The following RAD54B variants were observed in gnomAD, a reference collection of about 807,000 sequenced individuals.
The protein encoded by RAD54B is RAD54 homolog B, also known as DNA repair and recombination protein RAD54B.
A neutral mutation model predicts 95.8 loss-of-function variants in RAD54B; 78 were observed. The observed-to-expected ratio is 0.81, with a 90% confidence interval of 0.68 to 0.98. The LOEUF (loss-of-function observed/expected upper bound fraction) is 0.98. Ranked by LOEUF, RAD54B falls within the 50% of genes least tolerant of loss-of-function variation. The probability of loss-of-function intolerance (pLI) is 0.00; values close to 1 mark genes in which losing one functional copy is unlikely to be tolerated. For missense variants in RAD54B, 957 were observed against 1,056.6 expected (o/e 0.91, Z 1.31); for synonymous variants, 328 against 354.9 (o/e 0.92, Z 0.85).
intron 3 of RAD54B, among the ~76,000 whole-genome samples, chr8:94,414,268 G>A (rs559532230): frequency 2.0e-4 from 31 of 152,300 alleles, no homozygotes; most frequent in African/African-American, 7.5e-4. Context: ...CATGCCGTCT[G>A]CAAACAGGGA....
rs963312335 is a variant in RAD54B, at chr8:94,399,613, T to C, written c.1179A>G (p.Lys393=). The C allele has an allele frequency of 1.2e-6, 2 of 1,604,906 alleles. No individual in the cohort carries two copies. Among genetic ancestry groups the C allele is most frequent in the African/African-American group, 2.7e-5 (2 of 74,394 alleles). Residue 393 remains lysine (K), a synonymous_variant, in exon 8 of 15, where the codon AAA becomes AAG. Transcript: ENST00000336148. The stretch of plus-strand genomic sequence containing the variant: ...ATATAGACTTGATGAATTCTTCAAC[T>C]TTGTGGTCCTGAGGAAAAAAGATAG... ...IKIFTVDQDH[K]VEEFIKSIFY...
At chr8:94,428,948 T>C (rs1812012379) in intron 3 of RAD54B, 4 of 982,768 alleles carry the variant, frequency 4.1e-6, no homozygotes, top group Non-Finnish European at 3.6e-6. Context: ...GTCAAATAAA[T>C]AATTTTCTTT....
intron 3 of RAD54B, among the ~76,000 whole-genome samples, chr8:94,413,392 T>G (rs1293783371): frequency 2.0e-5 from 3 of 152,122 alleles, no homozygotes; most frequent in African/African-American, 7.2e-5. Flanking sequence ...AATAGAACTA[T>G]TCACACATAT....
rs543126048 is a variant in RAD54B, at chr8:94,371,978, T to A, written c.*192A>T. 7 of 948,332 alleles carry A rather than the reference T, an allele frequency of 7.4e-6. No individual in the cohort carries two copies. Among genetic ancestry groups the A allele is most frequent in the Non-Finnish European group, 1.0e-5 (7 of 698,596 alleles). 58.7% of individuals were successfully genotyped at this position (948,332 alleles called of 1,614,324 possible). A position where few individuals can be genotyped will look rare whatever the true frequency, so the allele number is the denominator to read the frequency against. ...ACAATTATACAATGATATAAGCACA[T>A]CTTTATTTTTCATTTAAACACTTAA... On this transcript the variant is annotated 3_prime_UTR_variant, in exon 15 of 15. Transcript: ENST00000336148.
At chr8:94,433,656 T>C (rs1812178209) in intron 3 of RAD54B, among the ~76,000 whole-genome samples, 2 of 152,074 alleles carry the variant, frequency 1.3e-5, no homozygotes, top group Middle Eastern at 6.8e-3. Flanking sequence ...CATAATTTTA[T>C]GTATAACGTG....
At chr8:94,373,801 G>A (rs1258484311) in intron 14 of RAD54B, among the ~76,000 whole-genome samples, 1 of 151,836 alleles carries the variant, frequency 6.6e-6, no homozygotes, top group Non-Finnish European at 1.5e-5. Flanking sequence ...TTTTAATTAT[G>A]GGAAATTTCA....
intron 14 of RAD54B, among the ~76,000 whole-genome samples, chr8:94,377,596 C>G (rs1014102656): frequency 2.1e-5 from 3 of 140,514 alleles, no homozygotes; most frequent in Non-Finnish European, 4.6e-5. Context: ...AACTCCAAAG[C>G]CATTACACCA....
chr8:94,430,435 G>A (rs1812062345), intron 3 of RAD54B: 4 of 985,026 alleles, frequency 4.1e-6, no homozygotes, highest in Non-Finnish European at 4.8e-6. Context: ...TATGATTTAG[G>A]CACCAAGCGA....
chr8:94,421,756 T>G (rs1811811555), intron 3 of RAD54B, among the ~76,000 whole-genome samples: 1 of 152,226 alleles, frequency 6.6e-6, no homozygotes, highest in Non-Finnish European at 1.5e-5. Flanking sequence ...TTCAAAGCTA[T>G]GTATTGTATC....
At chr8:94,425,148 T>G (rs771837469) in intron 3 of RAD54B, among the ~76,000 whole-genome samples, 3 of 151,788 alleles carry the variant, frequency 2.0e-5, no homozygotes, top group Non-Finnish European at 2.9e-5. Context: ...CATTATCGTC[T>G]TAGTGAATGA....
chr8:94,374,227 C>T (rs1234918028), intron 14 of RAD54B, among the ~76,000 whole-genome samples: 1 of 151,182 alleles, frequency 6.6e-6, no homozygotes, highest in Non-Finnish European at 1.5e-5. Flanking sequence ...GGCAGTGAGC[C>T]GAGATAGCGC....
At chr8:94,401,320 C>T (rs950900452) in intron 6 of RAD54B, among the ~76,000 whole-genome samples, 5 of 152,040 alleles carry the variant, frequency 3.3e-5, no homozygotes, top group African/African-American at 1.2e-4. Flanking sequence ...ACTCCTGAGA[C>T]AACCAAACCA....
At chr8:94,386,741 C>T (rs537760144) in intron 11 of RAD54B, among the ~76,000 whole-genome samples, 4 of 152,208 alleles carry the variant, frequency 2.6e-5, no homozygotes, top group South Asian at 4.1e-4. Context: ...AATTGAGAAA[C>T]AAGCATTATA....
chr8:94,436,365 C>A, intron 3 of RAD54B: 1 of 1,218,738 alleles, frequency 8.2e-7, no homozygotes. Context: ...TTAAAAAATG[C>A]AAAACAAAGA....
intron 3 of RAD54B, chr8:94,429,532 A>C (rs1180356685): frequency 1.0e-6 from 1 of 984,544 alleles, no homozygotes; most frequent in African/African-American, 1.7e-5. Context: ...TAGCATGCTG[A>C]AACTGTAAAG....
At chr8:94,377,837 G>T (rs1042797401) in intron 14 of RAD54B, among the ~76,000 whole-genome samples, 1 of 149,256 alleles carries the variant, frequency 6.7e-6, no homozygotes, top group African/African-American at 2.5e-5. Context: ...TTAGCCGGGC[G>T]TGGTAGCGGG....
chr8:94,468,690 G>A (rs1813091578), intron 1 of RAD54B, among the ~76,000 whole-genome samples: 2 of 152,012 alleles, frequency 1.3e-5, no homozygotes, highest in Admixed American at 6.6e-5. Context: ...TTAGCCAGGA[G>A]TGGTGGCGGG....
At chr8:94,372,465 T>C in intron 14 of RAD54B, 78 bp from the exon 15 acceptor site, 1 of 1,544,222 alleles carries the variant, frequency 6.5e-7, no homozygotes, top group Admixed American at 2.3e-5. Context: ...TGTTTTATGA[T>C]AATTAGTTTA....
At chr8:94,460,492 G>C (rs558288140) in intron 2 of RAD54B, among the ~76,000 whole-genome samples, 2 of 152,242 alleles carry the variant, frequency 1.3e-5, no homozygotes, top group African/African-American at 4.8e-5. Flanking sequence ...ATAAAAAAAA[G>C]ATCAGTCATA....
Sources: allele counts gnomAD v4.1 joint callset (sites outside exome capture counted in the v4.1 genomes callset), GRCh38; gene constraint gnomAD v4.1.1; transcripts MANE v1.5; gene names NCBI Gene and HGNC (gene_info 2026-07-23, HGNC 2026-07-21).